The following FAM3C variants were observed in gnomAD, a reference collection of about 807,000 sequenced individuals.
The protein encoded by FAM3C is protein FAM3C.
In FAM3C, 15 loss-of-function variants were observed where a neutral mutation model predicts 32.5. That is an observed-to-expected ratio of 0.46 (90% CI 0.31 to 0.71). The LOEUF is 0.71. Among genes scored for constraint, FAM3C ranks in the 30% least tolerant of loss-of-function variants. The probability of loss-of-function intolerance (pLI) is 0.05; values close to 1 mark genes in which losing one functional copy is unlikely to be tolerated. For missense variants in FAM3C, 175 were observed against 274.4 expected (o/e 0.64, Z 2.56); for synonymous variants, 75 against 86.1 (o/e 0.87, Z 0.72).
chr7:121,395,645 C>T (rs1794675190), intron 1 of FAM3C, among the ~76,000 whole-genome samples: 2 of 152,054 alleles, frequency 1.3e-5, no homozygotes, highest in Admixed American at 6.5e-5. Flanking sequence ...AGAAGAGACA[C>T]CAAACATCAA....
intron 1 of FAM3C, among the ~76,000 whole-genome samples, chr7:121,390,849 G>GGGGGT (rs1794560067): frequency 3.3e-5 from 1 of 30,046 alleles, no homozygotes; most frequent in African/African-American, 8.3e-5. Context: ...AAGGCTGTGT[G>GGGGGT]GGGCGGGGGG....
intron 2 of FAM3C, among the ~76,000 whole-genome samples, chr7:121,381,223 T>C (rs1794345565): frequency 6.6e-6 from 1 of 152,166 alleles, no homozygotes; most frequent in African/African-American, 2.4e-5. Context: ...TGTGCTCCAG[T>C]TTTTCACAAG....
intron 1 of FAM3C, among the ~76,000 whole-genome samples, chr7:121,395,908 C>G (rs1240353040): frequency 1.3e-5 from 2 of 151,548 alleles, no homozygotes; most frequent in African/African-American, 4.8e-5. Context: ...CCCGTCTCCG[C>G]GGAGCCCGGG....
chr7:121,353,631 C>A (rs1356374288), intron 8 of FAM3C, among the ~76,000 whole-genome samples: 1 of 152,176 alleles, frequency 6.6e-6, no homozygotes, highest in East Asian at 1.9e-4. Context: ...TGTTTTCTCT[C>A]TGGGAGTCTG....
At chr7:121,389,406 A>C (rs891417069) in intron 1 of FAM3C, among the ~76,000 whole-genome samples, 1 of 152,120 alleles carries the variant, frequency 6.6e-6, no homozygotes, top group African/African-American at 2.4e-5. Flanking sequence ...TCTATACCCA[A>C]ATATAACATG....
chr7:121,392,536 G>C (rs1401032815), intron 1 of FAM3C, among the ~76,000 whole-genome samples: 3 of 152,192 alleles, frequency 2.0e-5, no homozygotes, highest in East Asian at 1.9e-4. Context: ...GATGAGATTT[G>C]AGTGGGGACG....
chr7:121,360,273 A>G (rs1793893385), intron 7 of FAM3C, 146 bp from the exon 8 acceptor site: 2 of 568,388 alleles, frequency 3.5e-6, no homozygotes, highest in Admixed American at 6.1e-5. Context: ...CAAATCTCAT[A>G]AAGAGTTTAA....
intron 8 of FAM3C, among the ~76,000 whole-genome samples, chr7:121,356,584 A>T (rs1390611564): frequency 6.6e-6 from 1 of 152,220 alleles, no homozygotes; most frequent in Non-Finnish European, 1.5e-5. Context: ...GAGAAATGAA[A>T]GGGTACTGGC....
intron 3 of FAM3C, among the ~76,000 whole-genome samples, chr7:121,373,871 A>C (rs898203511): frequency 6.6e-6 from 1 of 151,826 alleles, no homozygotes; most frequent in East Asian, 1.9e-4. Context: ...AAATACAAAA[A>C]AAAAAAATTA....
chr7:121,392,843 G>T (rs1208197431), intron 1 of FAM3C, among the ~76,000 whole-genome samples: 3 of 152,134 alleles, frequency 2.0e-5, no homozygotes, highest in Non-Finnish European at 4.4e-5. Flanking sequence ...TATATGAATG[G>T]AATATAGAAT....
chr7:121,378,724 T>A (rs567820522), intron 3 of FAM3C, among the ~76,000 whole-genome samples, 186 bp downstream of exon 3: 40 of 152,340 alleles, frequency 2.6e-4, no homozygotes, highest in Non-Finnish European at 5.1e-4. Context: ...AGAAGATTCA[T>A]GTTTTATACT....
intron 8 of FAM3C, among the ~76,000 whole-genome samples, chr7:121,352,239 T>C (rs1331429338): frequency 2.0e-5 from 3 of 152,230 alleles, no homozygotes; most frequent in Non-Finnish European, 4.4e-5. Context: ...TAGTATCAAG[T>C]AGCTCCTTTA....
intron 6 of FAM3C, 60 bp downstream of exon 6, chr7:121,364,070 T>C (rs1793976751): frequency 2.7e-6 from 3 of 1,123,020 alleles, no homozygotes; most frequent in Non-Finnish European, 1.4e-6. Context: ...TAGTGCATTT[T>C]ACTTTGGGAC....
Position 121,362,956 on chromosome 7 carries a change from G to A in FAM3C, c.332-9C>T. On this transcript the variant is annotated splice_polypyrimidine_tract_variant and intron_variant, in intron 6 of 9. Coordinates refer to ENST00000359943, the MANE Select transcript of FAM3C (RefSeq NM_014888.3). ...TACTTCTCCTGTTTTTCCTAAAAGA[G>A]ATTAAATTCATATCAAATTATGCAT... 7.4e-7 allele frequency: 1 copy of A among 1,355,870 alleles called. No homozygotes were observed. Among genetic ancestry groups the A allele is most frequent in the Non-Finnish European group, 1.0e-6 (1 of 953,624 alleles). The allele number at this position is 1,355,870 out of a possible 1,614,324, so 84.0% of individuals were successfully genotyped here.
At chr7:121,378,556 C>G (rs934809720) in intron 3 of FAM3C, among the ~76,000 whole-genome samples, 1 of 152,088 alleles carries the variant, frequency 6.6e-6, no homozygotes, top group Non-Finnish European at 1.5e-5. Flanking sequence ...TAACTGAGGG[C>G]TAGATTTGGC....
intron 1 of FAM3C, among the ~76,000 whole-genome samples, chr7:121,387,448 C>A (rs1794487938): frequency 6.6e-6 from 1 of 152,106 alleles, no homozygotes; most frequent in Admixed American, 6.6e-5. Flanking sequence ...AGATGTAGGA[C>A]AGATGAAACA....
At chr7:121,354,852 A>G (rs1793777893) in intron 8 of FAM3C, among the ~76,000 whole-genome samples, 2 of 152,230 alleles carry the variant, frequency 1.3e-5, no homozygotes, top group Admixed American at 6.5e-5. Context: ...TTTTCACTAT[A>G]TAATTGCTAA....
At chr7:121,368,286 T>C (rs1021362647) in intron 5 of FAM3C, among the ~76,000 whole-genome samples, 2 of 152,194 alleles carry the variant, frequency 1.3e-5, no homozygotes, top group Non-Finnish European at 2.9e-5. Context: ...TCCAAAGCTA[T>C]GACAACCCAA....
chr7:121,393,044 G>A (rs1255006829), intron 1 of FAM3C, among the ~76,000 whole-genome samples: 2 of 152,274 alleles, frequency 1.3e-5, no homozygotes, highest in East Asian at 3.9e-4. Context: ...CCGAGGATTG[G>A]CAGGGAGAAG....
Sources: gnomAD v4.1 joint callset for allele counts (sites outside exome capture counted in the v4.1 genomes callset) on GRCh38, gnomAD v4.1.1 for gene constraint, MANE v1.5 for transcripts, NCBI Gene and HGNC (gene_info 2026-07-23, HGNC 2026-07-21) for gene names.